The following DIAPH3 variants were observed in gnomAD, a reference collection of about 807,000 sequenced individuals.
The protein encoded by DIAPH3 is diaphanous related formin 3, also known as protein diaphanous homolog 3.
In DIAPH3, 117 loss-of-function variants were observed where a neutral mutation model predicts 144.3. The ratio of observed to expected loss-of-function variants is 0.81; its 90% CI spans 0.70 to 0.95. The LOEUF is 0.95. DIAPH3 is among the 40% of genes least tolerant of loss of function. The pLI, the probability that DIAPH3 is intolerant of heterozygous loss-of-function variation, is 0.00. For synonymous variants in DIAPH3, 519 were observed against 488.9 expected, an observed-to-expected ratio of 1.06 and a Z score of -0.81; for missense variants, 1,421 against 1,412.7, an observed-to-expected ratio of 1.01 and a Z score of -0.09.
intron 24 of DIAPH3, among the ~76,000 whole-genome samples, chr13:59,818,670 A>G (rs1331897296): frequency 6.6e-6 from 1 of 151,804 alleles, no homozygotes; most frequent in East Asian, 1.9e-4. Context: ...ACTTTATACA[A>G]GTGGTAGGCC....
chr13:59,692,717 T>G (rs111599080), intron 27 of DIAPH3, among the ~76,000 whole-genome samples: 261 of 152,166 alleles, frequency 1.7e-3, no homozygotes, highest in African/African-American at 6.0e-3. Flanking sequence ...CATAACCTAC[T>G]CTATTAGGCC....
chr13:60,119,348 A>T (rs1276912168), intron 2 of DIAPH3, among the ~76,000 whole-genome samples: 1 of 152,182 alleles, frequency 6.6e-6, no homozygotes, highest in Non-Finnish European at 1.5e-5. Flanking sequence ...CCTTCACATG[A>T]CTGTAGCTCC....
chr13:59,769,793 C>A (rs770067862), intron 27 of DIAPH3, among the ~76,000 whole-genome samples: 1 of 152,040 alleles, frequency 6.6e-6, no homozygotes, highest in Non-Finnish European at 1.5e-5. Context: ...ACTGGGCCAG[C>A]TGATTTCTTA....
chr13:59,808,982 T>C (rs2040327806), intron 25 of DIAPH3, among the ~76,000 whole-genome samples: 1 of 152,216 alleles, frequency 6.6e-6, no homozygotes, highest in African/African-American at 2.4e-5. Flanking sequence ...TTCTTAAAAG[T>C]GAAAGCTTCC....
intron 13 of DIAPH3, among the ~76,000 whole-genome samples, chr13:59,983,093 A>G (rs1426307941): frequency 6.6e-6 from 1 of 150,598 alleles, no homozygotes; most frequent in East Asian, 2.0e-4. Flanking sequence ...CGAAAACTTT[A>G]ATAAAAACTC....
At position 59,734,562 on chromosome 13, in the gene DIAPH3, C is replaced by A. The variant is rs118098467; in HGVS notation, c.3319+39627G>T. 8.9e-4 allele frequency among the ~76,000 whole-genome samples: 135 copies of A among 152,262 alleles called. 1 individual carries two copies. The highest frequency in any genetic ancestry group is 6.8e-3 in the Middle Eastern group (2 of 294). ...GCTGAGTTGCTACAATCCGCTTTGG[C>A]CACTAAAGCTCAAGTCATTCGGAGC... On this transcript the variant is annotated intron_variant, in intron 27 of 27. Coordinates refer to ENST00000400324, the MANE Select transcript of DIAPH3 (RefSeq NM_001042517.2).
chr13:60,009,332 C>A (rs1437061685), intron 8 of DIAPH3, among the ~76,000 whole-genome samples: 1 of 151,812 alleles, frequency 6.6e-6, no homozygotes, highest in African/African-American at 2.4e-5. Flanking sequence ...ATCTTGATAC[C>A]CATTCTGAAG....
At position 60,160,007 on chromosome 13, in the gene DIAPH3, C is replaced by T. The variant is rs769400189; in HGVS notation, c.180+3580G>A. Among the ~76,000 whole-genome samples the T allele has an allele frequency of 3.4e-4, 51 of 152,162 alleles. No homozygotes were observed. In the South Asian group the frequency reaches 3.5e-3, roughly 11 times the overall value. On this transcript the variant is annotated intron_variant, in intron 1 of 27. Transcript: ENST00000400324. Reference sequence around the variant, plus strand: ...TTGGGAGGCCGAGGTGGGCGGATCACGAGGTCAGGAGTTCGAGACCATCCT... The same window carrying T: ...TTGGGAGGCCGAGGTGGGCGGATCATGAGGTCAGGAGTTCGAGACCATCCT...
chr13:60,130,316 C>T (rs917587048), intron 2 of DIAPH3, among the ~76,000 whole-genome samples: 1 of 152,192 alleles, frequency 6.6e-6, no homozygotes, highest in Non-Finnish European at 1.5e-5. Flanking sequence ...CTTCCCTGGA[C>T]TAAATTCTGG....
At chr13:60,045,236 A>C (rs1053569334) in intron 4 of DIAPH3, among the ~76,000 whole-genome samples, 3 of 152,080 alleles carry the variant, frequency 2.0e-5, no homozygotes, top group African/African-American at 7.2e-5. Context: ...GCTATTCAGG[A>C]GGCTGAGGCA....
chr13:59,880,151 G>A (rs1229040332), intron 20 of DIAPH3, among the ~76,000 whole-genome samples: 2 of 152,134 alleles, frequency 1.3e-5, no homozygotes, highest in Admixed American at 6.6e-5. Flanking sequence ...TTTCTCTACT[G>A]GGAATGTGGG....
intron 24 of DIAPH3, among the ~76,000 whole-genome samples, chr13:59,823,632 T>C (rs1053693839): frequency 1.3e-5 from 2 of 152,148 alleles, no homozygotes; most frequent in Non-Finnish European, 2.9e-5. Context: ...CTCTAACACA[T>C]ATAATGAGTC....
rs139057502 is a variant in DIAPH3, at chr13:60,095,226, C to A, written c.391-1494G>T. ...ATGGAACTGTTGCAGGACAGGTGAG[C>A]CCCAAATTTGGGGCTCATGGCTTCA... On this transcript the variant is annotated intron_variant, in intron 3 of 27. Coordinates refer to ENST00000400324, the MANE Select transcript of DIAPH3 (RefSeq NM_001042517.2). Among the ~76,000 whole-genome samples, 5 of 152,210 alleles carry A rather than the reference C, an allele frequency of 3.3e-5. No homozygotes were observed. The East Asian group carries it at 9.7e-4, about 29-fold the overall frequency.
intron 4 of DIAPH3, among the ~76,000 whole-genome samples, chr13:60,055,986 T>A (rs770483040): frequency 6.6e-6 from 1 of 151,762 alleles, no homozygotes; most frequent in Non-Finnish European, 1.5e-5. Context: ...TAATGTTTCA[T>A]ACACTTGAAA....
intron 9 of DIAPH3, among the ~76,000 whole-genome samples, chr13:60,004,174 C>T (rs1341904856): frequency 6.6e-6 from 1 of 152,044 alleles, no homozygotes; most frequent in Non-Finnish European, 1.5e-5. Context: ...TTTTATTCAC[C>T]AATAAACAAG....
intron 17 of DIAPH3, among the ~76,000 whole-genome samples, 194 bp from the exon 18 acceptor site, chr13:59,925,064 G>C (rs193030488): frequency 2.0e-5 from 3 of 152,174 alleles, no homozygotes; most frequent in East Asian, 1.9e-4. Flanking sequence ...TTTTATGCCA[G>C]AGAAACTATG....
chr13:59,826,195 A>C (rs1052452253), intron 24 of DIAPH3, among the ~76,000 whole-genome samples: 3 of 149,068 alleles, frequency 2.0e-5, no homozygotes, highest in African/African-American at 7.4e-5. Context: ...ATTAGGCAGG[A>C]GAAGGAAATA....
chr13:59,997,626 G>A (rs1383414801), intron 9 of DIAPH3, among the ~76,000 whole-genome samples: 1 of 151,876 alleles, frequency 6.6e-6, no homozygotes, highest in Non-Finnish European at 1.5e-5. Context: ...ACAAACTTAA[G>A]CACAAAATTC....
At chr13:59,998,033 C>T (rs1161673342) in intron 9 of DIAPH3, among the ~76,000 whole-genome samples, 2 of 152,086 alleles carry the variant, frequency 1.3e-5, no homozygotes, top group Non-Finnish European at 2.9e-5. Flanking sequence ...TCTCTCTTTG[C>T]ACAATTAAAT....
Sources: allele counts gnomAD v4.1 joint callset (sites outside exome capture counted in the v4.1 genomes callset), GRCh38; gene constraint gnomAD v4.1.1; transcripts MANE v1.5; gene names NCBI Gene and HGNC (gene_info 2026-07-23, HGNC 2026-07-21).